Variants in JPH2 observed in about 807,000 individuals in gnomAD.
JPH2 encodes junctophilin 2.
In JPH2, 38 loss-of-function variants were observed where a neutral mutation model predicts 55.9. That is an observed-to-expected ratio of 0.68 (90% CI 0.52 to 0.89). JPH2 has a LOEUF of 0.89. Among genes scored for constraint, JPH2 ranks in the 40% least tolerant of loss-of-function variants. JPH2 has a pLI of 0.00. For missense variants in JPH2, 964 were observed against 1,037.6 expected, an observed-to-expected ratio of 0.93 and a Z score of 0.97; for synonymous variants, 480 against 472.4, an observed-to-expected ratio of 1.02 and a Z score of -0.21.
At chr20:44,146,889 G>T (rs1445193411) in intron 2 of JPH2, among the ~76,000 whole-genome samples, 1 of 152,180 alleles carries the variant, frequency 6.6e-6, no homozygotes, top group Non-Finnish European at 1.5e-5. Flanking sequence ...CAACCCTTTT[G>T]GATGTTAACT....
chr20:44,152,085 G>A (rs531426466), intron 2 of JPH2, among the ~76,000 whole-genome samples: 7 of 152,310 alleles, frequency 4.6e-5, no homozygotes, highest in South Asian at 2.1e-4. Context: ...CGCCCTCAAC[G>A]TGGGGGTCTC....
chr20:44,159,619 T>C lies in JPH2; in HGVS notation c.1168A>G (p.Arg390Gly). 6.2e-7 allele frequency: 1 copy of C among 1,601,290 alleles called. No individual in the cohort carries two copies. Among genetic ancestry groups the C allele is most frequent in the Non-Finnish European group, 8.5e-7 (1 of 1,179,252 alleles). Reference protein sequence around the residue: ...ARQKAEIAASRTSHAKAKAEA... With the variant: ...ARQKAEIAASGTSHAKAKAEA... ...TTCCCACCCCCACCGCTGTCCTACC[T>C]GGAGGCGGCAATCTCGGCCTTCTGG... is the stretch of plus-strand genomic sequence containing the variant. The change falls in exon 2 of 6, where the codon AGG becomes GGG. Residue 390 changes from arginine (R) to glycine (G), a missense_variant and splice_region_variant. Transcript: ENST00000372980. This position sits in a 1 kb window ranked among gnomAD's most constrained non-coding sequence, Gnocchi z 5.7.
chr20:44,173,636 C>T (rs1815132391), intron 1 of JPH2, among the ~76,000 whole-genome samples: 1 of 152,198 alleles, frequency 6.6e-6, no homozygotes, highest in South Asian at 2.1e-4. Context: ...CAAACAAAGG[C>T]TGGGTGCTGT....
rs564048245 is a variant in JPH2 at position 44,144,405 on chromosome 20, C to T, written c.1169+15213G>A. 7.9e-5 allele frequency among the ~76,000 whole-genome samples: 12 copies of T among 152,290 alleles called. No homozygotes were observed. The South Asian group carries it at 2.5e-3, about 32-fold the overall frequency. ...ACATGAAGCCCTCTACAAACATCGC[C>T]TCGTATTGTCCTCACCATAACCTTG... On this transcript the variant is annotated intron_variant, in intron 2 of 5. Coordinates refer to ENST00000372980, the MANE Select transcript of JPH2 (RefSeq NM_020433.5).
chr20:44,134,589 TATAAATATATATTTATTATAAATATA>T (rs1237677742), intron 2 of JPH2, among the ~76,000 whole-genome samples: 14 of 10,176 alleles, frequency 1.4e-3, no homozygotes, highest in Admixed American at 3.9e-3. Context: ...TATAAATATA[TATAAATATATATTTATTATAAATATA>T]ATAAATATAT....
chr20:44,179,496 T>C (rs1273623183), intron 1 of JPH2, among the ~76,000 whole-genome samples: 1 of 152,122 alleles, frequency 6.6e-6, no homozygotes, highest in Non-Finnish European at 1.5e-5. Context: ...TGGTACATAG[T>C]AAAGGCATAT....
chr20:44,160,140 T>A lies in JPH2; in HGVS notation c.647A>T (p.Lys216Met). 6.9e-7 allele frequency: 1 copy of A among 1,449,168 alleles called. No homozygotes were observed. The highest frequency in any genetic ancestry group is 9.0e-7 in the Non-Finnish European group (1 of 1,110,246). The allele number at this position is 1,449,168 out of a possible 1,614,324, so 89.8% of individuals were successfully genotyped here. Residue 216 changes from lysine to methionine, a missense_variant, in exon 2 of 6, where the codon AAG becomes ATG. Coordinates refer to ENST00000372980, the MANE Select transcript of JPH2 (RefSeq NM_020433.5). The surrounding 1 kb of genome is among the most constrained non-coding windows in gnomAD (Gnocchi z 4.9). ...ANAEAAARAP[K>M]GGGLFQRGAL... is the part of the protein sequence containing the mutation. Reference sequence around the variant, plus strand: ...GCCCCGCTGGAAGAGGCCGCCGCCCTTGGGCGCCCGCGCGGCCGCCTCGGC... The same window carrying A: ...GCCCCGCTGGAAGAGGCCGCCGCCCATGGGCGCCCGCGCGGCCGCCTCGGC...
At chr20:44,127,944 G>A (rs770253625) in intron 2 of JPH2, among the ~76,000 whole-genome samples, 9 of 152,244 alleles carry the variant, frequency 5.9e-5, no homozygotes, top group Admixed American at 1.3e-4. Flanking sequence ...ATCCAGATCC[G>A]TTGCCAGATT....
rs117664919 is a variant in JPH2 at position 44,183,695 on chromosome 20, C to T, written c.379+2632G>A. Among the ~76,000 whole-genome samples, 364 of 152,304 alleles carry T rather than the reference C, an allele frequency of 2.4e-3. 13 individuals carry two copies. In the East Asian group the frequency reaches 0.047, roughly 19 times the overall value. On this transcript the variant is annotated intron_variant, in intron 1 of 5. Coordinates refer to ENST00000372980, the MANE Select transcript of JPH2 (RefSeq NM_020433.5). ...GACGAATATAATGTCCTATGAATGC[C>T]TTCTGATGCCAAATGTCATTTGTAA...
At chr20:44,168,173 C>G (rs1194786305) in intron 1 of JPH2, among the ~76,000 whole-genome samples, 4 of 152,082 alleles carry the variant, frequency 2.6e-5, no homozygotes, top group Non-Finnish European at 5.9e-5. Context: ...TGAAAAGGAG[C>G]CACACAGAAG....
intron 1 of JPH2, among the ~76,000 whole-genome samples, chr20:44,169,781 G>A (rs570935768): frequency 1.2e-3 from 185 of 152,270 alleles, no homozygotes; most frequent in African/African-American, 4.2e-3. Flanking sequence ...GGGCCTTTAA[G>A]AGGTGATTAA....
rs143158930 is a variant in JPH2, at chr20:44,159,650, G to A, written c.1137C>T (p.Ile379=). ...CGGCAATCTCGGCCTTCTGGCGCGC[G>A]ATAGCAGCGGCGCGCTGGGCACCCT... is the stretch of plus-strand genomic sequence containing the variant. ...SVEGAQRAAA[I]ARQKAEIAAS... is the part of the protein sequence containing the mutation. The change falls in exon 2 of 6, where the codon ATC becomes ATT. Residue 379 remains isoleucine (I), a synonymous_variant. Coordinates refer to ENST00000372980, the MANE Select transcript of JPH2 (RefSeq NM_020433.5). The surrounding 1 kb of genome is among the most constrained non-coding windows in gnomAD (Gnocchi z 5.7). 3.1e-6 allele frequency: 5 copies of A among 1,607,918 alleles called. No individual in the cohort carries two copies. The highest frequency in any genetic ancestry group is 4.2e-6 in the Non-Finnish European group (5 of 1,179,896).
chr20:44,162,480 G>A (rs6031427), intron 1 of JPH2, among the ~76,000 whole-genome samples: 1 of 152,018 alleles, frequency 6.6e-6, no homozygotes, highest in African/African-American at 2.4e-5. Flanking sequence ...GGCTGGGGAA[G>A]GTGGACTCAC....
chr20:44,141,116 T>G (rs2072453699), intron 2 of JPH2, among the ~76,000 whole-genome samples: 1 of 152,352 alleles, frequency 6.6e-6, no homozygotes, highest in South Asian at 2.1e-4. Context: ...TTCAAACCTC[T>G]GCAAGGATGT....
At chr20:44,171,402 G>T (rs2072697041) in intron 1 of JPH2, among the ~76,000 whole-genome samples, 1 of 152,304 alleles carries the variant, frequency 6.6e-6, no homozygotes, top group Middle Eastern at 3.4e-3. Context: ...GCCAGGATCT[G>T]TCAGCTGCTA....
chr20:44,183,642 G>C (rs971845085), intron 1 of JPH2, among the ~76,000 whole-genome samples: 1 of 152,136 alleles, frequency 6.6e-6, no homozygotes, highest in Non-Finnish European at 1.5e-5. Context: ...ACACTTCCTG[G>C]CCACTGTCAA....
intron 2 of JPH2, among the ~76,000 whole-genome samples, chr20:44,149,895 T>C (rs533696205): frequency 4.0e-5 from 6 of 150,150 alleles, no homozygotes; most frequent in Non-Finnish European, 8.8e-5. Flanking sequence ...TGAGAATTGT[T>C]TGAACCTGGG....
In JPH2 at chr20:44,160,037, C is replaced by T. The variant is rs771511471; in HGVS notation, c.750G>A (p.Lys250=). ...GSQRSRVSFL[K]SDLSSGASDA... is the part of the protein sequence containing the mutation. ...CGCTGGCGCCCGAGCTGAGGTCGCTCTTAAGGAAGCTGACACGGCTGCGCT... is the reference window on the plus strand; with the variant it reads ...CGCTGGCGCCCGAGCTGAGGTCGCTTTTAAGGAAGCTGACACGGCTGCGCT... Residue 250 remains lysine (K), a synonymous_variant, in exon 2 of 6, where the codon AAG becomes AAA. Coordinates refer to ENST00000372980, the MANE Select transcript of JPH2 (RefSeq NM_020433.5). The surrounding 1 kb of genome is among the most constrained non-coding windows in gnomAD (Gnocchi z 4.9). 1.3e-6 allele frequency: 2 copies of T among 1,557,004 alleles called. No individual in the cohort carries two copies. The highest frequency in any genetic ancestry group is 1.2e-5 in the South Asian group (1 of 85,384).
intron 2 of JPH2, among the ~76,000 whole-genome samples, chr20:44,132,349 CAGACAG>C (rs147294581): frequency 0.017 from 1,580 of 94,412 alleles, 36 homozygotes; most frequent in Middle Eastern, 0.021. Context: ...GGGAGGCAGA[CAGACAG>C]ACACACACAC....
Sources: allele counts gnomAD v4.1 joint callset (sites outside exome capture counted in the v4.1 genomes callset), GRCh38; gene constraint gnomAD v4.1.1; non-coding constraint Gnocchi (gnomAD v3.1); transcripts MANE v1.5; gene names NCBI Gene and HGNC (gene_info 2026-07-23, HGNC 2026-07-21).